Variants in DGKI observed in about 807,000 individuals in gnomAD.
DGKI encodes the protein diacylglycerol kinase iota, also known as DAG kinase iota.
Under a neutral mutation model 147.5 loss-of-function variants are expected in DGKI, and 55 were observed. That is an observed-to-expected ratio of 0.37 (90% CI 0.30 to 0.47). The LOEUF (loss-of-function observed/expected upper bound fraction) is 0.47, where lower values mean the gene tolerates loss of function less well. Among genes scored for constraint, DGKI ranks in the 20% least tolerant of loss-of-function variants. The pLI is 1.00. For synonymous variants in DGKI, 469 were observed against 477.1 expected (o/e 0.98, Z 0.22); for missense variants, 1,007 against 1,323.8 (o/e 0.76, Z 3.71).
At chr7:137,426,897 A>G (rs996716064) in intron 28 of DGKI, among the ~76,000 whole-genome samples, 1 of 151,996 alleles carries the variant, frequency 6.6e-6, no homozygotes, top group East Asian at 1.9e-4. Context: ...CAGATTCATA[A>G]AGCAAGTCCT....
intron 27 of DGKI, among the ~76,000 whole-genome samples, chr7:137,449,418 G>A (rs1181414160): frequency 6.6e-6 from 1 of 152,186 alleles, no homozygotes; most frequent in Non-Finnish European, 1.5e-5. Flanking sequence ...ATAGTGTTGG[G>A]AAAAGCATAT....
chr7:137,837,546 G>T (rs931855998), intron 1 of DGKI, among the ~76,000 whole-genome samples: 3 of 152,204 alleles, frequency 2.0e-5, no homozygotes, highest in African/African-American at 4.8e-5. Flanking sequence ...TCTAGAAGGT[G>T]GGGCCACTGG....
intron 1 of DGKI, among the ~76,000 whole-genome samples, chr7:137,754,160 G>C (rs963898009): frequency 9.2e-5 from 14 of 152,164 alleles, no homozygotes; most frequent in African/African-American, 3.4e-4. Context: ...TAGCCTCCCT[G>C]CTGGTTCAAA....
At chr7:137,748,478 C>G (rs529476495) in intron 1 of DGKI, among the ~76,000 whole-genome samples, 1 of 151,796 alleles carries the variant, frequency 6.6e-6, no homozygotes, top group African/African-American at 2.4e-5. Flanking sequence ...TTGAAGGAAA[C>G]GCACAAAATA....
chr7:137,781,032 T>A (rs181134711), intron 1 of DGKI, among the ~76,000 whole-genome samples: 1 of 152,352 alleles, frequency 6.6e-6, no homozygotes, highest in African/African-American at 2.4e-5. Flanking sequence ...GAACCACATC[T>A]GACATCAGAC....
intron 1 of DGKI, among the ~76,000 whole-genome samples, chr7:137,793,409 T>C (rs1796928331): frequency 6.6e-6 from 1 of 152,044 alleles, no homozygotes. Context: ...CAAGCGAGTC[T>C]CCTGCCTCAG....
At chr7:137,631,606 G>T (rs115470629) in intron 6 of DGKI, among the ~76,000 whole-genome samples, 153 of 152,260 alleles carry the variant, frequency 1.0e-3, no homozygotes, top group African/African-American at 3.6e-3. Flanking sequence ...ATGAAAAAGG[G>T]CAGAACTTAG....
chr7:137,441,591 T>C (rs974976540), intron 28 of DGKI, among the ~76,000 whole-genome samples: 5 of 152,250 alleles, frequency 3.3e-5, no homozygotes, highest in Non-Finnish European at 5.9e-5. Flanking sequence ...TTAAGCTCTC[T>C]ATGCAAGAGT....
intron 5 of DGKI, 88 bp from the exon 6 acceptor site, chr7:137,645,625 G>T: frequency 1.6e-6 from 2 of 1,222,858 alleles, no homozygotes; most frequent in Non-Finnish European, 2.3e-6. Flanking sequence ...GGAGTGCAGT[G>T]GTATAATCAT....
chr7:137,738,949 G>T (rs1419392046), intron 1 of DGKI, among the ~76,000 whole-genome samples: 1 of 152,116 alleles, frequency 6.6e-6, no homozygotes. Context: ...TGTGCCAAAT[G>T]AGGGCAATTA....
intron 20 of DGKI, among the ~76,000 whole-genome samples, chr7:137,551,487 C>A (rs896842036): frequency 6.6e-6 from 1 of 152,124 alleles, no homozygotes; most frequent in Non-Finnish European, 1.5e-5. Context: ...GGGAGGAGCA[C>A]CTTTGAGAGT....
chr7:137,720,558 G>A (rs114602766), intron 1 of DGKI, among the ~76,000 whole-genome samples: 2,123 of 152,084 alleles, frequency 0.014, 45 homozygotes, highest in African/African-American at 0.049. Flanking sequence ...GCGCCCGGCC[G>A]AAAAAGTCTT....
intron 8 of DGKI, among the ~76,000 whole-genome samples, chr7:137,610,522 G>A (rs1229446099): frequency 6.6e-6 from 1 of 152,142 alleles, no homozygotes; most frequent in Admixed American, 6.6e-5. Flanking sequence ...TTTAATTAGT[G>A]GAGAGTCAAT....
At chr7:137,560,764 A>C (rs958619311) in intron 19 of DGKI, among the ~76,000 whole-genome samples, 1 of 152,226 alleles carries the variant, frequency 6.6e-6, no homozygotes, top group Non-Finnish European at 1.5e-5. Flanking sequence ...ACTGTAAGCC[A>C]AAGAATGTGG....
intron 1 of DGKI, among the ~76,000 whole-genome samples, chr7:137,711,698 T>TTC: frequency 6.9e-6 from 1 of 145,012 alleles, no homozygotes; most frequent in East Asian, 2.0e-4. Context: ...TTTTTTTTTT[T>TTC]TTTTTTTTTT....
chr7:137,799,180 A>G (rs1424879954), intron 1 of DGKI, among the ~76,000 whole-genome samples: 1 of 152,188 alleles, frequency 6.6e-6, no homozygotes, highest in Non-Finnish European at 1.5e-5. Context: ...CAGCAATTAC[A>G]AGGAAGGAAG....
intron 6 of DGKI, among the ~76,000 whole-genome samples, chr7:137,630,522 C>T (rs1341509855): frequency 6.6e-6 from 1 of 152,180 alleles, no homozygotes; most frequent in East Asian, 1.9e-4. Flanking sequence ...ATGTGTCATG[C>T]TGTATGAAAC....
At chr7:137,578,641 T>A (rs1351759465) in intron 15 of DGKI, among the ~76,000 whole-genome samples, 5 of 152,130 alleles carry the variant, frequency 3.3e-5, no homozygotes, top group Non-Finnish European at 7.4e-5. Flanking sequence ...AGTCTATACA[T>A]CTGTGGAGGG....
intron 20 of DGKI, among the ~76,000 whole-genome samples, chr7:137,527,547 A>G (rs1817194699): frequency 6.6e-6 from 1 of 152,192 alleles, no homozygotes; most frequent in South Asian, 2.1e-4. Flanking sequence ...ATGTTGAGAC[A>G]AGATCCTTAA....
Sources: allele counts gnomAD v4.1 joint callset (sites outside exome capture counted in the v4.1 genomes callset), GRCh38; gene constraint gnomAD v4.1.1; transcripts MANE v1.5; gene names NCBI Gene and HGNC (gene_info 2026-07-23, HGNC 2026-07-21).